ITK: variants seen among roughly 807,000 people sequenced by gnomAD.
The protein encoded by ITK is tyrosine-protein kinase ITK/TSK.
In ITK, 45 loss-of-function variants were observed where a neutral mutation model predicts 87.6. That is an observed-to-expected ratio of 0.51 (90% CI 0.40 to 0.66). ITK has a LOEUF of 0.66. ITK is among the 30% of genes least tolerant of loss of function. The probability of loss-of-function intolerance (pLI) is 0.00; values close to 1 mark genes in which losing one functional copy is unlikely to be tolerated. For missense variants in ITK, 605 were observed against 766.3 expected (o/e 0.79, Z 2.48); for synonymous variants, 303 against 273.6 (o/e 1.11, Z -1.06).
At chr5:157,201,064 AT>A (rs1272464432) in intron 1 of ITK, among the ~76,000 whole-genome samples, 1 of 147,918 alleles carries the variant, frequency 6.8e-6, no homozygotes, top group Non-Finnish European at 1.5e-5. Flanking sequence ...CCTAAAGTCA[AT>A]TAAGATAATA....
At position 157,252,680 on chromosome 5, in the gene ITK, A is replaced by G. The variant is rs779948333; in HGVS notation, c.*2A>G. On this transcript the variant is annotated 3_prime_UTR_variant, in exon 17 of 17. Coordinates refer to ENST00000422843, the MANE Select transcript of ITK (RefSeq NM_005546.4). ...GAAATTGCAGAATCAGGACTTTAGTAGAGACTGAGTACCAGGCCACGGGCT... is the reference window on the plus strand; with the variant it reads ...GAAATTGCAGAATCAGGACTTTAGTGGAGACTGAGTACCAGGCCACGGGCT... The G allele has an allele frequency of 6.8e-6, 11 of 1,607,988 alleles. No individual in the cohort carries two copies. The highest frequency in any genetic ancestry group is 9.4e-6 in the Non-Finnish European group (11 of 1,174,466).
At chr5:157,222,470 A>G (rs905457811) in intron 5 of ITK, among the ~76,000 whole-genome samples, 1 of 152,208 alleles carries the variant, frequency 6.6e-6, no homozygotes, top group African/African-American at 2.4e-5. Flanking sequence ...CCAATAACCT[A>G]TGATTCCGTA....
chr5:157,208,696 G>T (rs1235726624), intron 1 of ITK, among the ~76,000 whole-genome samples, 193 bp from the exon 2 acceptor site: 1 of 152,176 alleles, frequency 6.6e-6, no homozygotes, highest in African/African-American at 2.4e-5. Context: ...CTAAAGGCAT[G>T]TGTCCCCAGG....
Position 157,222,986 on chromosome 5 carries a change from C to T in ITK, c.619C>T (p.His207Tyr). 6.2e-7 allele frequency: 1 copy of T among 1,614,088 alleles called. No homozygotes were observed. Among genetic ancestry groups the T allele is most frequent in the Non-Finnish European group, 8.5e-7 (1 of 1,180,010 alleles). ...EYCLLDSSEI[H>Y]WWRVQDRNGH... Reference sequence around the variant, plus strand: ...CTGCCTGCTGGACAGTTCTGAGATTCACTGGTGGAGAGTCCAGGACAGGAA... The same window carrying T: ...CTGCCTGCTGGACAGTTCTGAGATTTACTGGTGGAGAGTCCAGGACAGGAA... Residue 207 changes from histidine to tyrosine, a missense_variant, in exon 6 of 17, where the codon CAC becomes TAC. His to Tyr is a moderately conservative substitution (Grantham distance 83, BLOSUM62 2). Transcript: ENST00000422843.
At chr5:157,233,333 A>G (rs1251179523) in intron 8 of ITK, among the ~76,000 whole-genome samples, 1 of 152,250 alleles carries the variant, frequency 6.6e-6, no homozygotes, top group African/African-American at 2.4e-5. Context: ...TGCAGAAAAA[A>G]GAGCAAGGGA....
At chr5:157,228,151 T>C (rs1754575182) in intron 6 of ITK, 145 bp from the exon 7 acceptor site, 2 of 654,732 alleles carry the variant, frequency 3.1e-6, no homozygotes, top group East Asian at 5.7e-5. Flanking sequence ...CCAATTCTTG[T>C]ATTCTAAACT....
At chr5:157,237,458 A>G (rs541626997) in intron 8 of ITK, among the ~76,000 whole-genome samples, 4 of 152,372 alleles carry the variant, frequency 2.6e-5, no homozygotes, top group Non-Finnish European at 4.4e-5. Context: ...AATGGGTTCA[A>G]TAGAAACCCA....
Position 157,255,132 on chromosome 5 carries a change from A to T in ITK, c.*2454A>T, listed in dbSNP as rs538014028. 1 of 187,156 alleles carries T rather than the reference A, an allele frequency of 5.3e-6. No individual in the cohort carries two copies. The highest frequency in any genetic ancestry group is 2.3e-5 in the African/African-American group (1 of 42,802). The allele number at this position is 187,156 out of a possible 1,614,324, so 11.6% of individuals were successfully genotyped here. A position where few individuals can be genotyped will look rare whatever the true frequency, so the allele number is the denominator to read the frequency against. On this transcript the variant is annotated 3_prime_UTR_variant, in exon 17 of 17. Transcript: ENST00000422843. The stretch of plus-strand genomic sequence containing the variant: ...ATCCTTTGTAGAGCACACAGAGTTA[A>T]AAGTTGAATATAGCAATATTAAAGC...
rs1311266302 is a variant in ITK at position 157,180,942 on chromosome 5, G to C, written c.-36G>C. The C allele has an allele frequency of 6.2e-7, 1 of 1,611,248 alleles. No homozygotes were observed. The highest frequency in any genetic ancestry group is 1.3e-5 in the African/African-American group (1 of 74,980). On this transcript the variant is annotated 5_prime_UTR_variant, in exon 1 of 17. Transcript: ENST00000422843. The stretch of plus-strand genomic sequence containing the variant: ...CTTTCCTTTGGTTGTGCTAAGAGGT[G>C]ATGCCCAAGGTGCACCACCTTTCAA...
chr5:157,244,709 T>C (rs113906486), intron 13 of ITK, among the ~76,000 whole-genome samples: 54 of 152,294 alleles, frequency 3.5e-4, no homozygotes, highest in African/African-American at 9.9e-4. Context: ...TTTCAGTTTA[T>C]ATTCTTCCAA....
chr5:157,254,821 G>A lies in ITK; in HGVS notation c.*2143G>A. 1 of 217,702 alleles carries A rather than the reference G, an allele frequency of 4.6e-6. No individual in the cohort carries two copies. The highest frequency in any genetic ancestry group is 6.8e-5 in the East Asian group (1 of 14,686). 13.5% of individuals were successfully genotyped at this position (217,702 alleles called of 1,614,324 possible). ...CTGTGCATGGTATTACCTTTTTCAA[G>A]CTCAGATTCATCTAATCCTCAACTG... On this transcript the variant is annotated 3_prime_UTR_variant, in exon 17 of 17. Transcript: ENST00000422843.
At chr5:157,203,680 C>G (rs532327867) in intron 1 of ITK, among the ~76,000 whole-genome samples, 3 of 152,312 alleles carry the variant, frequency 2.0e-5, no homozygotes, top group African/African-American at 7.2e-5. Context: ...AACAGGTTAA[C>G]CATTCCAAAG....
intron 1 of ITK, among the ~76,000 whole-genome samples, chr5:157,185,540 T>C (rs1275348594): frequency 6.6e-6 from 1 of 152,034 alleles, no homozygotes; most frequent in Non-Finnish European, 1.5e-5. Flanking sequence ...GCGCCTGGCC[T>C]ATGTTTTTAA....
At chr5:157,207,775 C>A (rs534415168) in intron 1 of ITK, among the ~76,000 whole-genome samples, 6 of 152,256 alleles carry the variant, frequency 3.9e-5, no homozygotes, top group East Asian at 1.9e-4. Flanking sequence ...TTAAACCACA[C>A]GTAATTTCCA....
At chr5:157,187,465 C>T (rs1030283691) in intron 1 of ITK, among the ~76,000 whole-genome samples, 1 of 152,126 alleles carries the variant, frequency 6.6e-6, no homozygotes, top group Non-Finnish European at 1.5e-5. Context: ...AAACGAAGCT[C>T]AAATAGAGAA....
At chr5:157,204,785 C>CA (rs1754047089) in intron 1 of ITK, among the ~76,000 whole-genome samples, 1 of 152,170 alleles carries the variant, frequency 6.6e-6, no homozygotes, top group Non-Finnish European at 1.5e-5. Context: ...TCATTTGTCA[C>CA]AAAAAACATA....
chr5:157,243,712 A>C lies in ITK; in HGVS notation c.1150A>C (p.Asn384His). 6.2e-7 allele frequency: 1 copy of C among 1,614,022 alleles called. No homozygotes were observed. The highest frequency in any genetic ancestry group is 8.5e-7 in the Non-Finnish European group (1 of 1,179,984). ...GTTGGTGCATCTGGGCTACTGGCTC[A>C]ACAAGGACAAGGTGGCTATCAAAAC... Reference protein sequence around the residue: ...FGLVHLGYWLNKDKVAIKTIR... With the variant: ...FGLVHLGYWLHKDKVAIKTIR... The change falls in exon 12 of 17, where the codon AAC becomes CAC. Residue 384 changes from asparagine (N) to histidine (H), a missense_variant. By Grantham distance (68) the Asn-to-His change is moderately conservative. Around this residue, in one of 3 missense-constraint regions of ITK, gnomAD observed 464 missense variants for 578.0 expected, o/e 0.80. Transcript: ENST00000422843.
At chr5:157,226,978 C>A (rs1364456953) in intron 6 of ITK, among the ~76,000 whole-genome samples, 1 of 152,030 alleles carries the variant, frequency 6.6e-6, no homozygotes, top group Non-Finnish European at 1.5e-5. Flanking sequence ...TGCCACCACA[C>A]CTGGCTAATT....
At chr5:157,212,440 G>T (rs970627843) in intron 3 of ITK, among the ~76,000 whole-genome samples, 3 of 152,316 alleles carry the variant, frequency 2.0e-5, no homozygotes, top group East Asian at 1.9e-4. Context: ...GCCTTAAATC[G>T]GTTATGAGCA....
Sources: allele counts gnomAD v4.1 joint callset (sites outside exome capture counted in the v4.1 genomes callset), GRCh38; gene constraint gnomAD v4.1.1; regional missense constraint gnomAD v4.1.1; transcripts MANE v1.5; gene names NCBI Gene and HGNC (gene_info 2026-07-23, HGNC 2026-07-21).